Variants in AFF3 observed in about 807,000 individuals in gnomAD.
AFF3 encodes ALF transcription elongation factor 3.
A neutral mutation model predicts 129.7 loss-of-function variants in AFF3; 32 were observed. The ratio of observed to expected loss-of-function variants is 0.25; its 90% CI spans 0.19 to 0.33. The LOEUF (loss-of-function observed/expected upper bound fraction) is 0.33. Among genes scored for constraint, AFF3 ranks in the 10% least tolerant of loss-of-function variants. The pLI is 1.00. For synonymous variants in AFF3, 644 were observed against 635.4 expected (o/e 1.01, Z -0.20); for missense variants, 1,373 against 1,592.0 (o/e 0.86, Z 2.34).
At chr2:100,073,047 T>C (rs1239793212) in intron 4 of AFF3, among the ~76,000 whole-genome samples, 1 of 152,150 alleles carries the variant, frequency 6.6e-6, no homozygotes, top group African/African-American at 2.4e-5. Flanking sequence ...TGAGGACAGG[T>C]TCCCTAACTT....
At chr2:99,553,090 C>T (rs1448597986) in intron 24 of AFF3, among the ~76,000 whole-genome samples, 7 of 152,172 alleles carry the variant, frequency 4.6e-5, no homozygotes, top group Admixed American at 2.0e-4. Context: ...GCGAGCACCA[C>T]CACACCCGGC....
chr2:99,896,068 C>CA (rs58471464), intron 7 of AFF3, among the ~76,000 whole-genome samples: 1,000 of 62,266 alleles, frequency 0.016, 8 homozygotes, highest in Middle Eastern at 0.031. Context: ...GACTCCTTCT[C>CA]AAAAAAAAAA....
chr2:100,134,248 T>C (rs1692543798), intron 1 of AFF3, among the ~76,000 whole-genome samples: 2 of 152,332 alleles, frequency 1.3e-5, no homozygotes, highest in East Asian at 1.9e-4. Context: ...ATAAGCCTTG[T>C]ATAAAAATAT....
intron 13 of AFF3, among the ~76,000 whole-genome samples, chr2:99,641,607 G>A (rs937885507): frequency 1.3e-5 from 2 of 152,154 alleles, no homozygotes; most frequent in Non-Finnish European, 2.9e-5. Context: ...GAACCCAGGA[G>A]GTGGAGGTTG....
chr2:100,071,851 A>G (rs1247427457), intron 4 of AFF3, among the ~76,000 whole-genome samples: 7 of 152,120 alleles, frequency 4.6e-5, no homozygotes, highest in Non-Finnish European at 1.0e-4. Context: ...GTTTCAAGGG[A>G]TATCTATTCA....
intron 4 of AFF3, among the ~76,000 whole-genome samples, chr2:100,035,793 C>T (rs1207788016): frequency 1.3e-5 from 2 of 152,016 alleles, no homozygotes; most frequent in Non-Finnish European, 2.9e-5. Context: ...TTTAAGTTTC[C>T]AAATCTTTAA....
chr2:99,650,989 C>T (rs1575599967), intron 12 of AFF3, among the ~76,000 whole-genome samples: 1 of 151,972 alleles, frequency 6.6e-6, no homozygotes, highest in Non-Finnish European at 1.5e-5. Context: ...GCCTGACCAA[C>T]AGGGAGAAAC....
At position 99,565,456 on chromosome 2, in the gene AFF3, C is replaced by T. The variant is rs766753602; in HGVS notation, c.3119+31G>A. On this transcript the variant is annotated intron_variant, in intron 20 of 24. Transcript: ENST00000672756. ...TGCTTCCACACATTCCTCACTCCTC[C>T]CCTCATCCAGCAAGAAAACACGGTG... The T allele has an allele frequency of 1.9e-6, 3 of 1,607,734 alleles. No homozygotes were observed. In the Admixed American group the frequency reaches 5.0e-5, roughly 27 times the overall value.
At chr2:99,762,242 A>G (rs1255036230) in intron 8 of AFF3, among the ~76,000 whole-genome samples, 3 of 150,912 alleles carry the variant, frequency 2.0e-5, no homozygotes, top group African/African-American at 7.3e-5. Flanking sequence ...CTCCCGCCTC[A>G]GCCTCCTGAG....
intron 4 of AFF3, among the ~76,000 whole-genome samples, chr2:100,013,455 T>G (rs1682725521): frequency 6.6e-6 from 1 of 152,328 alleles, no homozygotes; most frequent in Admixed American, 6.5e-5. Flanking sequence ...ATCAAGAAAC[T>G]TAGGATAAGA....
intron 7 of AFF3, among the ~76,000 whole-genome samples, chr2:99,881,398 C>G (rs557829381): frequency 8.4e-6 from 1 of 119,670 alleles, no homozygotes; most frequent in South Asian, 2.8e-4. Context: ...ATTTGAAAAG[C>G]ATCTTTTCAA....
intron 7 of AFF3, among the ~76,000 whole-genome samples, chr2:99,841,591 T>C (rs1689322521): frequency 6.6e-6 from 1 of 152,204 alleles, no homozygotes; most frequent in Non-Finnish European, 1.5e-5. Context: ...GAGTACCACA[T>C]TGGTTTGAAT....
intron 4 of AFF3, among the ~76,000 whole-genome samples, chr2:100,069,690 A>C (rs1688011684): frequency 6.6e-6 from 1 of 152,172 alleles, no homozygotes; most frequent in Admixed American, 6.5e-5. Context: ...CAAAATCAGA[A>C]AGAAATTTGA....
At chr2:99,751,699 A>G (rs1235258111) in intron 9 of AFF3, among the ~76,000 whole-genome samples, 1 of 152,188 alleles carries the variant, frequency 6.6e-6, no homozygotes, top group African/African-American at 2.4e-5. Flanking sequence ...TATTAGACTC[A>G]TGTATATAGT....
chr2:99,919,115 G>A (rs1413724550), intron 7 of AFF3, among the ~76,000 whole-genome samples: 13 of 152,070 alleles, frequency 8.5e-5, no homozygotes, highest in Admixed American at 8.5e-4. Flanking sequence ...TAGTAGTACA[G>A]AATCATCTCC....
At chr2:99,786,861 C>G (rs1286177494) in intron 8 of AFF3, among the ~76,000 whole-genome samples, 1 of 152,134 alleles carries the variant, frequency 6.6e-6, no homozygotes, top group Non-Finnish European at 1.5e-5. Context: ...GACACTTGGT[C>G]TCATTAGTAC....
intron 7 of AFF3, among the ~76,000 whole-genome samples, chr2:99,960,370 G>A (rs934899248): frequency 7.3e-5 from 11 of 151,128 alleles, no homozygotes; most frequent in South Asian, 4.2e-4. Flanking sequence ...CATAAATAAC[G>A]TCACACATTC....
chr2:100,007,323 A>G lies in AFF3; in HGVS notation c.312T>C (p.Pro104=). ...GVPKPGVPQT[P]VNKIDEHFVA... is the part of the protein sequence containing the mutation. ...CAAAATGTTCATCGATCTTGTTCAC[A>G]GGAGTCTGAGGAACCCCAGGTTTGG... The change falls in exon 6 of 25, where the codon CCT becomes CCC. Residue 104 remains proline (P), a synonymous_variant. Coordinates refer to ENST00000672756, the MANE Select transcript of AFF3 (RefSeq NM_001386135.1). 6.2e-7 allele frequency: 1 copy of G among 1,614,180 alleles called. No individual in the cohort carries two copies. The highest frequency in any genetic ancestry group is 8.5e-7 in the Non-Finnish European group (1 of 1,180,028).
chr2:99,961,385 C>T (rs988550603), intron 7 of AFF3, among the ~76,000 whole-genome samples: 2 of 152,158 alleles, frequency 1.3e-5, no homozygotes, highest in Non-Finnish European at 2.9e-5. Flanking sequence ...ATCTTTCCTC[C>T]CTCGGGGGCC....
Sources: gnomAD v4.1 joint callset for allele counts (sites outside exome capture counted in the v4.1 genomes callset) on GRCh38, gnomAD v4.1.1 for gene constraint, MANE v1.5 for transcripts, NCBI Gene and HGNC (gene_info 2026-07-23, HGNC 2026-07-21) for gene names.